Variants in ZNF804B observed in about 807,000 individuals in gnomAD.
ZNF804B encodes zinc finger 804B.
ZNF804B carries 80 observed loss-of-function variants against 101.4 expected under a neutral mutation model. The observed-to-expected ratio is 0.79, with a 90% CI of 0.66 to 0.95. The LOEUF (loss-of-function observed/expected upper bound fraction) is 0.95. Ranked by LOEUF, ZNF804B falls within the 40% of genes least tolerant of loss-of-function variation. The probability of loss-of-function intolerance (pLI) is 0.00; values close to 1 mark genes in which losing one functional copy is unlikely to be tolerated. For synonymous variants in ZNF804B, 622 were observed against 558.8 expected, an observed-to-expected ratio of 1.11 and a Z score of -1.59; for missense variants, 1,673 against 1,561.9, an observed-to-expected ratio of 1.07 and a Z score of -1.20.
At chr7:89,130,648 C>T (rs1167889719) in intron 1 of ZNF804B, among the ~76,000 whole-genome samples, 1 of 151,974 alleles carries the variant, frequency 6.6e-6, no homozygotes, top group Non-Finnish European at 1.5e-5. Flanking sequence ...CATTACGAGA[C>T]TGGGACTGGC....
At chr7:89,204,974 G>A (rs570232976) in intron 1 of ZNF804B, among the ~76,000 whole-genome samples, 47 of 152,244 alleles carry the variant, frequency 3.1e-4, no homozygotes, top group Non-Finnish European at 5.9e-4. Context: ...AAAGGAAAGA[G>A]GCTTAATTGA....
chr7:88,770,310 A>G (rs1295240265), intron 1 of ZNF804B, among the ~76,000 whole-genome samples: 1 of 152,174 alleles, frequency 6.6e-6, no homozygotes, highest in African/African-American at 2.4e-5. Flanking sequence ...CTTAATCACA[A>G]GGGTCATAAG....
At chr7:89,018,346 G>T (rs2116209990) in intron 1 of ZNF804B, among the ~76,000 whole-genome samples, 1 of 151,992 alleles carries the variant, frequency 6.6e-6, no homozygotes, top group Admixed American at 6.5e-5. Flanking sequence ...CCATTTTTGT[G>T]TTCCTTGAGT....
In ZNF804B at chr7:88,889,842, C is replaced by A. The variant is rs561662672; in HGVS notation, c.108+129758C>A. On this transcript the variant is annotated intron_variant, in intron 1 of 3. Transcript: ENST00000333190. Reference sequence around the variant, plus strand: ...TTCCATTTGAAGACAGTCATAAATTCTTTCCCAGGGCCAATGTTCAGAAAA... The same window carrying A: ...TTCCATTTGAAGACAGTCATAAATTATTTCCCAGGGCCAATGTTCAGAAAA... 6.6e-5 allele frequency among the ~76,000 whole-genome samples: 10 copies of A among 151,740 alleles called. No individual in the cohort carries two copies. In the South Asian group the frequency reaches 2.1e-3, roughly 32 times the overall value.
intron 1 of ZNF804B, among the ~76,000 whole-genome samples, chr7:88,902,793 C>T (rs559674718): frequency 6.6e-5 from 10 of 151,938 alleles, no homozygotes; most frequent in African/African-American, 1.9e-4. Context: ...AATATGGATA[C>T]GTATCTATTT....
intron 1 of ZNF804B, among the ~76,000 whole-genome samples, chr7:89,109,585 C>G (rs986733871): frequency 5.3e-5 from 8 of 152,164 alleles, no homozygotes; most frequent in East Asian, 1.9e-4. Flanking sequence ...GGTAACTTCT[C>G]TTTCACAGAC....
chr7:89,033,028 A>G (rs1393738806), intron 1 of ZNF804B, among the ~76,000 whole-genome samples: 2 of 148,266 alleles, frequency 1.3e-5, no homozygotes, highest in Non-Finnish European at 3.0e-5. Flanking sequence ...TTCTTGTGCA[A>G]TATATTTAAA....
At chr7:89,150,554 A>G (rs1433339664) in intron 1 of ZNF804B, among the ~76,000 whole-genome samples, 2 of 152,088 alleles carry the variant, frequency 1.3e-5, no homozygotes, top group Non-Finnish European at 2.9e-5. Context: ...TCTGCATTCC[A>G]TTTCATCTGG....
intron 1 of ZNF804B, among the ~76,000 whole-genome samples, chr7:88,806,569 G>A (rs1168302611): frequency 6.6e-6 from 1 of 151,796 alleles, no homozygotes; most frequent in Non-Finnish European, 1.5e-5. Flanking sequence ...TCAAAATAAT[G>A]CATCTATCTA....
chr7:89,137,099 G>T (rs918190796), intron 1 of ZNF804B, among the ~76,000 whole-genome samples: 3 of 151,968 alleles, frequency 2.0e-5, no homozygotes, highest in Admixed American at 2.0e-4. Context: ...TTTATCAGCA[G>T]CATGAAAACA....
At chr7:89,194,214 C>A (rs1400441166) in intron 1 of ZNF804B, among the ~76,000 whole-genome samples, 1 of 152,052 alleles carries the variant, frequency 6.6e-6, no homozygotes, top group Admixed American at 6.6e-5. Flanking sequence ...TGGATATTAG[C>A]CCTTTGTCGG....
intron 2 of ZNF804B, among the ~76,000 whole-genome samples, chr7:89,239,243 A>T (rs1466523736): frequency 2.6e-5 from 4 of 152,114 alleles, no homozygotes; most frequent in Non-Finnish European, 5.9e-5. Flanking sequence ...ACTGAATGGG[A>T]CAGGTGTGTG....
At chr7:89,278,776 A>C (rs1208093159) in intron 2 of ZNF804B, among the ~76,000 whole-genome samples, 7 of 150,258 alleles carry the variant, frequency 4.7e-5, no homozygotes, top group Admixed American at 4.0e-4. Context: ...GTTTGAAGTC[A>C]GGTAGCATGA....
chr7:89,026,616 C>T (rs141188959), intron 1 of ZNF804B, among the ~76,000 whole-genome samples: 3 of 152,172 alleles, frequency 2.0e-5, no homozygotes, highest in Non-Finnish European at 4.4e-5. Flanking sequence ...ATTTGGTAAA[C>T]ATTTCAGAGG....
chr7:89,166,355 G>T (rs1562902924), intron 1 of ZNF804B, among the ~76,000 whole-genome samples: 1 of 152,096 alleles, frequency 6.6e-6, no homozygotes, highest in East Asian at 1.9e-4. Flanking sequence ...TTGACAGGAA[G>T]TTTTACCAAT....
intron 1 of ZNF804B, among the ~76,000 whole-genome samples, chr7:89,201,571 T>C (rs757154): frequency 0.75 from 114,117 of 151,900 alleles, 44,136 homozygotes; most frequent in African/African-American, 0.91. Context: ...AAAAGGAGCA[T>C]GTAGTGGAAT....
intron 1 of ZNF804B, among the ~76,000 whole-genome samples, chr7:88,879,381 T>C (rs530842946): frequency 6.6e-6 from 1 of 152,312 alleles, no homozygotes; most frequent in African/African-American, 2.4e-5. Context: ...TACATAAACA[T>C]TTATGCTACT....
intron 1 of ZNF804B, among the ~76,000 whole-genome samples, chr7:88,773,029 G>A (rs1790092039): frequency 6.6e-6 from 1 of 152,160 alleles, no homozygotes. Flanking sequence ...AGCAGCTGCT[G>A]TTTCTAAAAC....
intron 2 of ZNF804B, among the ~76,000 whole-genome samples, chr7:89,219,165 A>T (rs1788942958): frequency 6.6e-6 from 1 of 152,056 alleles, no homozygotes; most frequent in Admixed American, 6.6e-5. Context: ...AGGAAAAATA[A>T]TGTCTTATTC....
Sources: allele counts gnomAD v4.1 joint callset (sites outside exome capture counted in the v4.1 genomes callset), GRCh38; gene constraint gnomAD v4.1.1; transcripts MANE v1.5; gene names NCBI Gene and HGNC (gene_info 2026-07-23, HGNC 2026-07-21).